The following SLC4A8 variants were observed in gnomAD, a reference collection of about 807,000 sequenced individuals.
SLC4A8 encodes the protein solute carrier family 4 member 8.
In SLC4A8, 40 loss-of-function variants were observed where a neutral mutation model predicts 125.0. The ratio of observed to expected loss-of-function variants is 0.32; its 90% CI spans 0.25 to 0.42. SLC4A8 has a LOEUF of 0.42. SLC4A8 is among the 10% of genes least tolerant of loss of function. The pLI, the probability that SLC4A8 is intolerant of heterozygous loss-of-function variation, is 1.00. For synonymous variants in SLC4A8, 456 were observed against 476.0 expected (o/e 0.96, Z 0.55); for missense variants, 863 against 1,355.1 (o/e 0.64, Z 5.70).
intron 10 of SLC4A8, 141 bp from the exon 11 acceptor site, chr12:51,463,473 A>G (rs576976503): frequency 3.8e-5 from 23 of 598,586 alleles, no homozygotes; most frequent in Admixed American, 5.5e-5. Context: ...AATAAACTGC[A>G]TCAAGTCAGT....
At chr12:51,503,490 C>T (rs11833921) in intron 22 of SLC4A8, among the ~76,000 whole-genome samples, 2 of 152,142 alleles carry the variant, frequency 1.3e-5, no homozygotes, top group Non-Finnish European at 1.5e-5. Flanking sequence ...GGATTACAGG[C>T]GTGAGCCACC....
intron 1 of SLC4A8, among the ~76,000 whole-genome samples, chr12:51,435,515 T>C (rs1242169720): frequency 6.6e-6 from 1 of 152,156 alleles, no homozygotes; most frequent in East Asian, 1.9e-4. Context: ...CCTAGCACTT[T>C]GGGAGGCTGA....
chr12:51,464,534 A>G (rs1424549031), intron 11 of SLC4A8, among the ~76,000 whole-genome samples: 2 of 152,186 alleles, frequency 1.3e-5, no homozygotes, highest in African/African-American at 2.4e-5. Context: ...AGAAGGTGGT[A>G]AACGAGAATG....
At chr12:51,490,886 T>C (rs185178126) in intron 19 of SLC4A8, among the ~76,000 whole-genome samples, 1 of 152,058 alleles carries the variant, frequency 6.6e-6, no homozygotes, top group Non-Finnish European at 1.5e-5. Context: ...TAGGGAAGAA[T>C]AGAAGCAGAC....
chr12:51,429,807 C>G (rs558850301), intron 1 of SLC4A8, among the ~76,000 whole-genome samples: 1 of 151,754 alleles, frequency 6.6e-6, no homozygotes, highest in Non-Finnish European at 1.5e-5. Context: ...CACGCCCAGC[C>G]GGTTATTGAA....
intron 24 of SLC4A8, among the ~76,000 whole-genome samples, chr12:51,506,306 T>A (rs1938167285): frequency 6.6e-6 from 1 of 152,224 alleles, no homozygotes; most frequent in African/African-American, 2.4e-5. Context: ...TCAGATAGTG[T>A]TGATAGTACT....
At chr12:51,431,533 C>T (rs531370420) in intron 1 of SLC4A8, among the ~76,000 whole-genome samples, 3 of 152,260 alleles carry the variant, frequency 2.0e-5, no homozygotes, top group Admixed American at 1.3e-4. Flanking sequence ...GAATGGGAAG[C>T]TCATGGGTAT....
At chr12:51,496,900 A>G in intron 21 of SLC4A8, 87 bp from the exon 22 acceptor site, 3 of 1,325,190 alleles carry the variant, frequency 2.3e-6, no homozygotes, top group Non-Finnish European at 3.2e-6. Flanking sequence ...GAAATGTCCT[A>G]GTCTGCTGTG....
rs869058430 is a variant in SLC4A8 at position 51,400,726 on chromosome 12, TTATATATA to T, written c.-112+9283_-112+9290del. Among the ~76,000 whole-genome samples the T allele has an allele frequency of 6.9e-3, 289 of 41,832 alleles. 2 individuals carry two copies. Among genetic ancestry groups the T allele is most frequent in the Admixed American group, 0.021 (57 of 2,738 alleles). 27.4% of individuals were successfully genotyped at this position (41,832 alleles called of 152,430 possible). ...TTGAGAGGAGTGTGAATGAACTCCT[TTATATATA>T]TATATATATATATATATATATATAT... On this transcript the variant is annotated intron_variant, in intron 1 of 24. Transcript: ENST00000358657.
intron 14 of SLC4A8, 28 bp from the exon 15 acceptor site, chr12:51,474,314 C>G: frequency 6.9e-7 from 1 of 1,448,148 alleles, no homozygotes. Context: ...CTGTTTTCCT[C>G]AGGAATCTTT....
At position 51,485,004 on chromosome 12, in the gene SLC4A8, C is replaced by T. The variant is rs544973296; in HGVS notation, c.2173-783C>T. On this transcript the variant is annotated intron_variant, in intron 16 of 24. Transcript: ENST00000453097. Reference sequence around the variant, plus strand: ...GAGGCATGAACAAGTACAAATACCCCGAGGTGGGAGTGAGCTTGGCATGTT... The same window carrying T: ...GAGGCATGAACAAGTACAAATACCCTGAGGTGGGAGTGAGCTTGGCATGTT... Among the ~76,000 whole-genome samples, 14 of 152,126 alleles carry T rather than the reference C, an allele frequency of 9.2e-5. No homozygotes were observed. In the East Asian group the frequency reaches 1.5e-3, roughly 17 times the overall value.
chr12:51,429,705 C>T (rs144642674), intron 1 of SLC4A8, among the ~76,000 whole-genome samples: 220 of 151,796 alleles, frequency 1.4e-3, no homozygotes, highest in African/African-American at 5.1e-3. Flanking sequence ...GACAGAGTCT[C>T]ACTATGTTGC....
At chr12:51,477,146 C>T (rs556296046) in intron 16 of SLC4A8, among the ~76,000 whole-genome samples, 9 of 152,078 alleles carry the variant, frequency 5.9e-5, no homozygotes, top group Admixed American at 3.9e-4. Flanking sequence ...TCAGGTGATC[C>T]GCCTGCCTCA....
chr12:51,424,054 C>CAAAAAAAAAAAAAAAAAAAAAAAA (rs1334821004), upstream of SLC4A8, among the ~76,000 whole-genome samples: 4 of 77,416 alleles, frequency 5.2e-5, no homozygotes, highest in Non-Finnish European at 5.0e-5. Context: ...AAAAAAAAAA[C>CAAAAAAAAAAAAAAAAAAAAAAAA]AAAAAAAACA....
intron 1 of SLC4A8, among the ~76,000 whole-genome samples, chr12:51,431,448 G>A (rs1347015312): frequency 1.3e-5 from 2 of 152,122 alleles, no homozygotes; most frequent in African/African-American, 4.8e-5. Flanking sequence ...CTCCAAGTGG[G>A]GTTCAGCAAA....
intron 2 of SLC4A8, among the ~76,000 whole-genome samples, chr12:51,441,701 A>G (rs1565778446): frequency 6.6e-6 from 1 of 152,246 alleles, no homozygotes; most frequent in African/African-American, 2.4e-5. Flanking sequence ...CTGAGACAGC[A>G]TGTGAAATGT....
chr12:51,404,509 A>G (rs891920070), intron 1 of SLC4A8, among the ~76,000 whole-genome samples: 20 of 152,094 alleles, frequency 1.3e-4, no homozygotes, highest in Admixed American at 2.6e-4. Context: ...TTTCTCTGAG[A>G]CATTTCTTAG....
At chr12:51,481,722 C>T (rs548068753) in intron 16 of SLC4A8, among the ~76,000 whole-genome samples, 16 of 151,958 alleles carry the variant, frequency 1.1e-4, no homozygotes, top group African/African-American at 2.7e-4. Context: ...GCGGGCAGAT[C>T]GCTTGAGCCC....
chr12:51,453,451 A>T, intron 4 of SLC4A8, 88 bp from the exon 5 acceptor site: 3 of 1,341,096 alleles, frequency 2.2e-6, no homozygotes, highest in Non-Finnish European at 2.1e-6. Context: ...CTATCCAGAT[A>T]TCTTCCTCTG....
Sources: gnomAD v4.1 joint callset for allele counts (sites outside exome capture counted in the v4.1 genomes callset) on GRCh38, gnomAD v4.1.1 for gene constraint, MANE v1.5 for transcripts, NCBI Gene and HGNC (gene_info 2026-07-23, HGNC 2026-07-21) for gene names.